The following AGAP1 variants were observed in gnomAD, a reference collection of about 807,000 sequenced individuals.
The protein encoded by AGAP1 is arf-GAP with GTPase, ANK repeat and PH domain-containing protein 1.
Under a neutral mutation model 105.3 loss-of-function variants are expected in AGAP1, and 29 were observed. That is an observed-to-expected ratio of 0.28 (90% CI 0.21 to 0.38). AGAP1 has a LOEUF of 0.38. Ranked by LOEUF, AGAP1 falls within the 10% of genes least tolerant of loss-of-function variation. The pLI, the probability that AGAP1 is intolerant of heterozygous loss-of-function variation, is 1.00. For synonymous variants in AGAP1, 509 were observed against 485.9 expected (o/e 1.05, Z -0.63); for missense variants, 998 against 1,165.1 (o/e 0.86, Z 2.09).
At chr2:235,838,704 T>A (rs1960458402) in intron 9 of AGAP1, among the ~76,000 whole-genome samples, 1 of 152,260 alleles carries the variant, frequency 6.6e-6, no homozygotes, top group Admixed American at 6.5e-5. Context: ...GTACTAGGTA[T>A]GCACTAGAAT....
intron 1 of AGAP1, among the ~76,000 whole-genome samples, chr2:235,685,165 G>A (rs1170864180): frequency 6.6e-6 from 1 of 152,072 alleles, no homozygotes; most frequent in Non-Finnish European, 1.5e-5. Flanking sequence ...GCCTTGTGAG[G>A]GGACCTTTCT....
Position 235,753,769 on chromosome 2 carries a change from C to T in AGAP1, c.673+3281C>T, listed in dbSNP as rs768927139. Among the ~76,000 whole-genome samples, 3 of 151,780 alleles carry T rather than the reference C, an allele frequency of 2.0e-5. No individual in the cohort carries two copies. The highest frequency in any genetic ancestry group is 7.3e-5 in the African/African-American group (3 of 41,292). ...GCAAATACCTGTGAAGCTACAACTT[C>T]CGTGACTATTGCGATTTTTTTGTCC... On this transcript the variant is annotated intron_variant, in intron 6 of 17. Coordinates refer to ENST00000304032, the MANE Select transcript of AGAP1 (RefSeq NM_001037131.3). The surrounding 1 kb of genome is among the most constrained non-coding windows in gnomAD (Gnocchi z 4.5).
At chr2:235,834,102 A>C (rs1959815710) in intron 9 of AGAP1, among the ~76,000 whole-genome samples, 2 of 152,090 alleles carry the variant, frequency 1.3e-5, no homozygotes, top group Non-Finnish European at 2.9e-5. Context: ...GGGCACACTG[A>C]GTTCTCATTT....
At chr2:235,756,914 ACCAGT>A (rs150760979) in intron 6 of AGAP1, among the ~76,000 whole-genome samples, 2,698 of 151,988 alleles carry the variant, frequency 0.018, 89 homozygotes, top group African/African-American at 0.061. Context: ...CTTCCATGAA[ACCAGT>A]CCTTGGTGCC....
At chr2:235,826,483 TC>T (rs1959072927) in intron 9 of AGAP1, among the ~76,000 whole-genome samples, 7 of 152,086 alleles carry the variant, frequency 4.6e-5, no homozygotes, top group Non-Finnish European at 7.4e-5. Context: ...GTCTTGCTGC[TC>T]TGTCACCCAG....
Position 236,130,824 on chromosome 2 carries a change from A to C in AGAP1, c.*6702A>C, listed in dbSNP as rs1444726670. On this transcript the variant is annotated 3_prime_UTR_variant, in exon 18 of 18. Transcript: ENST00000304032. This position sits in a 1 kb window ranked among gnomAD's most constrained non-coding sequence, Gnocchi z 5.8. Reference sequence around the variant, plus strand: ...GGGTAGGAGAACAGAGAAGGCTCCAAGGGTGTTGGGAGTGAGCCAGGGGCT... The same window carrying C: ...GGGTAGGAGAACAGAGAAGGCTCCACGGGTGTTGGGAGTGAGCCAGGGGCT... 1 of 152,374 alleles carries C rather than the reference A, an allele frequency of 6.6e-6. No individual in the cohort carries two copies. The highest frequency in any genetic ancestry group is 1.5e-5 in the Non-Finnish European group (1 of 68,220). The allele number at this position is 152,374 out of a possible 1,614,324, so 9.4% of individuals were successfully genotyped here.
intron 6 of AGAP1, among the ~76,000 whole-genome samples, chr2:235,784,824 T>G (rs1040985072): frequency 2.0e-5 from 3 of 152,176 alleles, no homozygotes; most frequent in African/African-American, 7.2e-5. Context: ...CCAGAGGAAC[T>G]TCACGTATCA....
At chr2:235,743,476 C>G (rs987303254) in intron 4 of AGAP1, among the ~76,000 whole-genome samples, 2 of 152,002 alleles carry the variant, frequency 1.3e-5, no homozygotes, top group Non-Finnish European at 2.9e-5. Flanking sequence ...AAGGAGATGC[C>G]TTCCGTCAGC....
intron 16 of AGAP1, 72 bp downstream of exon 16, chr2:236,049,353 G>A: frequency 7.1e-7 from 1 of 1,408,984 alleles, no homozygotes; most frequent in East Asian, 2.3e-5. Flanking sequence ...TGATCATAAT[G>A]ACAGCCACGG....
rs900100927 is a variant in AGAP1, at chr2:235,664,488, G to A, written c.164-44691G>A. Reference sequence around the variant, plus strand: ...CTGCCTTGGCCTCCCAAAGTGCTGGGATTACAAGCATGAGCCACCACACTT... The same window carrying A: ...CTGCCTTGGCCTCCCAAAGTGCTGGAATTACAAGCATGAGCCACCACACTT... On this transcript the variant is annotated intron_variant, in intron 1 of 17. Transcript: ENST00000304032. The surrounding 1 kb of genome is among the most constrained non-coding windows in gnomAD (Gnocchi z 5.7). Among the ~76,000 whole-genome samples the A allele has an allele frequency of 2.6e-5, 4 of 152,136 alleles. No individual in the cohort carries two copies. The East Asian group carries it at 7.7e-4, about 29-fold the overall frequency.
At chr2:235,538,548 G>A (rs1322081811) in intron 1 of AGAP1, among the ~76,000 whole-genome samples, 2 of 148,328 alleles carry the variant, frequency 1.3e-5, no homozygotes, top group Non-Finnish European at 2.9e-5. Flanking sequence ...TCTCTGCATA[G>A]GTTTCCGCAC....
In AGAP1 at chr2:235,789,774, A is replaced by G. The variant is rs1369070692; in HGVS notation, c.674-7985A>G. 6.6e-6 allele frequency among the ~76,000 whole-genome samples: 1 copy of G among 152,222 alleles called. No homozygotes were observed. The highest frequency in any genetic ancestry group is 2.4e-5 in the African/African-American group (1 of 41,464). On this transcript the variant is annotated intron_variant, in intron 6 of 17. Transcript: ENST00000304032. This position sits in a 1 kb window ranked among gnomAD's most constrained non-coding sequence, Gnocchi z 4.2. Reference sequence around the variant, plus strand: ...CCTGCTGGCTTGCTTGGGGCATGGCATGTCCTAATGACTTACTCGAGCAGT... The same window carrying G: ...CCTGCTGGCTTGCTTGGGGCATGGCGTGTCCTAATGACTTACTCGAGCAGT...
rs1263230238 is a variant in AGAP1, at chr2:235,550,098, G to T, written c.163+55249G>T. Reference sequence around the variant, plus strand: ...GGGTTGCTGCTTCAGAGATCAAGTGGCATGTCCACATCTGGAGTAGACCCT... The same window carrying T: ...GGGTTGCTGCTTCAGAGATCAAGTGTCATGTCCACATCTGGAGTAGACCCT... On this transcript the variant is annotated intron_variant, in intron 1 of 17. Transcript: ENST00000304032. The surrounding 1 kb of genome is among the most constrained non-coding windows in gnomAD (Gnocchi z 4.6). 6.6e-6 allele frequency among the ~76,000 whole-genome samples: 1 copy of T among 152,146 alleles called. No homozygotes were observed. The highest frequency in any genetic ancestry group is 1.5e-5 in the Non-Finnish European group (1 of 68,026).
chr2:235,519,671 AAC>A (rs1259665090), intron 1 of AGAP1, among the ~76,000 whole-genome samples: 1 of 152,196 alleles, frequency 6.6e-6, no homozygotes, highest in Non-Finnish European at 1.5e-5. Flanking sequence ...AAAAAATCCA[AAC>A]ACACATATAT....
intron 8 of AGAP1, among the ~76,000 whole-genome samples, chr2:235,806,162 C>G (rs1379406829): frequency 1.3e-4 from 20 of 152,138 alleles, no homozygotes. Context: ...TCCCTTTGAA[C>G]CTGGATTCCA....
chr2:235,735,890 C>CCGCT (rs1952218529), intron 3 of AGAP1, among the ~76,000 whole-genome samples: 1 of 151,994 alleles, frequency 6.6e-6, no homozygotes, highest in African/African-American at 2.4e-5. Context: ...GAAGATGGGA[C>CCGCT]CGCTGTATCC....
At chr2:235,527,603 G>C (rs935468483) in intron 1 of AGAP1, among the ~76,000 whole-genome samples, 1 of 152,234 alleles carries the variant, frequency 6.6e-6, no homozygotes, top group African/African-American at 2.4e-5. Flanking sequence ...TGTCAGGCTG[G>C]TTTTGAACTC....
chr2:235,891,581 C>T lies in AGAP1; in HGVS notation c.1155+8132C>T, dbSNP rs1043129091. On this transcript the variant is annotated intron_variant, in intron 10 of 17. Coordinates refer to ENST00000304032, the MANE Select transcript of AGAP1 (RefSeq NM_001037131.3). The surrounding 1 kb of genome is among the most constrained non-coding windows in gnomAD (Gnocchi z 4.2). Reference sequence around the variant, plus strand: ...GGGCTTCACAGTTCAGCGTGGCCACCTATTCATCTTCCATGTCGCAAGCAC... The same window carrying T: ...GGGCTTCACAGTTCAGCGTGGCCACTTATTCATCTTCCATGTCGCAAGCAC... 1.3e-5 allele frequency among the ~76,000 whole-genome samples: 2 copies of T among 152,114 alleles called. No individual in the cohort carries two copies. The highest frequency in any genetic ancestry group is 2.1e-4 in the South Asian group (1 of 4,816).
intron 9 of AGAP1, among the ~76,000 whole-genome samples, chr2:235,817,103 A>G (rs76232428): frequency 5.0e-4 from 76 of 152,290 alleles, no homozygotes; most frequent in Middle Eastern, 3.4e-3. Context: ...CTCTCCTGGC[A>G]GAGAGAAATC....
Sources: gnomAD v4.1 joint callset for allele counts (sites outside exome capture counted in the v4.1 genomes callset) on GRCh38, gnomAD v4.1.1 for gene constraint, Gnocchi (gnomAD v3.1) non-coding constraint, MANE v1.5 for transcripts, NCBI Gene and HGNC (gene_info 2026-07-23, HGNC 2026-07-21) for gene names.